The following JAG1 variants were observed in gnomAD, a reference collection of about 807,000 sequenced individuals.
JAG1 encodes jagged canonical Notch ligand 1, also known as protein jagged-1.
In JAG1, 23 loss-of-function variants were observed where a neutral mutation model predicts 148.7. That is an observed-to-expected ratio of 0.15 (90% CI 0.11 to 0.22). The LOEUF (loss-of-function observed/expected upper bound fraction) is 0.22, where lower values mean the gene tolerates loss of function less well. Ranked by LOEUF, JAG1 falls within the 10% of genes least tolerant of loss-of-function variation. The pLI is 1.00. For synonymous variants in JAG1, 572 were observed against 598.3 expected, an observed-to-expected ratio of 0.96 and a Z score of 0.64; for missense variants, 1,054 against 1,611.2, an observed-to-expected ratio of 0.65 and a Z score of 5.92.
In JAG1 at chr20:10,638,343, A is replaced by C. The variant is rs1017780179; in HGVS notation, c.*1155T>G. The C allele has an allele frequency of 1.3e-5, 2 of 152,658 alleles. No individual in the cohort carries two copies. The highest frequency in any genetic ancestry group is 4.8e-5 in the African/African-American group (2 of 41,460). 9.5% of individuals were successfully genotyped at this position (152,658 alleles called of 1,614,324 possible). A position where few individuals can be genotyped will look rare whatever the true frequency, so the allele number is the denominator to read the frequency against. On this transcript the variant is annotated 3_prime_UTR_variant, in exon 26 of 26. Coordinates refer to ENST00000254958, the MANE Select transcript of JAG1 (RefSeq NM_000214.3). ...GTTCAGTATTATGTACGAATGGTGAAAAGAAATCAGAATTTACAAAGTAAG... is the reference window on the plus strand; with the variant it reads ...GTTCAGTATTATGTACGAATGGTGACAAGAAATCAGAATTTACAAAGTAAG...
chr20:10,655,868 A>G (rs2079883805), intron 5 of JAG1, among the ~76,000 whole-genome samples: 1 of 152,188 alleles, frequency 6.6e-6, no homozygotes, highest in South Asian at 2.1e-4. Flanking sequence ...GACTGCAGCA[A>G]AAGTCTACAT....
intron 20 of JAG1, 101 bp from the exon 21 acceptor site, chr20:10,642,702 G>A: frequency 1.3e-6 from 1 of 774,494 alleles, no homozygotes; most frequent in Non-Finnish European, 2.3e-6. Flanking sequence ...ATCATCATAA[G>A]CTTGATGAAT....
intron 3 of JAG1, among the ~76,000 whole-genome samples, chr20:10,662,727 G>A (rs1431937976): frequency 6.6e-6 from 1 of 152,146 alleles, no homozygotes; most frequent in Non-Finnish European, 1.5e-5. Flanking sequence ...GGCTGACAGA[G>A]CTTCCCTGCC....
intron 7 of JAG1, 88 bp downstream of exon 7, chr20:10,652,043 T>C (rs374252320): frequency 1.4e-6 from 2 of 1,447,642 alleles, no homozygotes; most frequent in Non-Finnish European, 9.7e-7. Context: ...TCACTTTTTT[T>C]TCCTTAAACA....
At chr20:10,650,623 C>T in intron 8 of JAG1, 1 of 485,666 alleles carries the variant, frequency 2.1e-6, no homozygotes, top group Non-Finnish European at 3.8e-6. Flanking sequence ...GGAGCATCCG[C>T]CCAGGAGGAA....
intron 25 of JAG1, 78 bp from the exon 26 acceptor site, chr20:10,640,033 A>G: frequency 1.7e-6 from 2 of 1,158,208 alleles, no homozygotes; most frequent in Non-Finnish European, 2.5e-6. Context: ...AAAGAATACC[A>G]ACAGTGGTTC....
chr20:10,658,249 G>C (rs2122623098), intron 4 of JAG1, among the ~76,000 whole-genome samples: 1 of 152,268 alleles, frequency 6.6e-6, no homozygotes, highest in South Asian at 2.1e-4. Flanking sequence ...GCTGTTGGCA[G>C]CCAACACAGC....
chr20:10,665,858 G>A (rs2067450316), intron 2 of JAG1, among the ~76,000 whole-genome samples: 1 of 152,164 alleles, frequency 6.6e-6, no homozygotes, highest in Non-Finnish European at 1.5e-5. Flanking sequence ...TACTCAAAGA[G>A]GAAAGCATCC....
At chr20:10,663,902 G>GT in intron 3 of JAG1, 61 bp downstream of exon 3, 1 of 1,346,748 alleles carries the variant, frequency 7.4e-7, no homozygotes, top group Non-Finnish European at 1.1e-6. Flanking sequence ...GCTCCAACTG[G>GT]TTGGCCAAGC....
intron 18 of JAG1, 87 bp downstream of exon 18, chr20:10,644,776 C>G (rs568004988): frequency 3.0e-5 from 28 of 946,126 alleles, no homozygotes; most frequent in Non-Finnish European, 4.4e-5. Context: ...TCAAACAGCT[C>G]TGCTTCTGGT....
At chr20:10,670,352 A>G (rs140218748) in intron 2 of JAG1, among the ~76,000 whole-genome samples, 61 of 152,308 alleles carry the variant, frequency 4.0e-4, no homozygotes, top group African/African-American at 1.4e-3. Flanking sequence ...TGGGAGCCCA[A>G]GGTGGTTTGG....
rs777817633 is a variant in JAG1 at position 10,641,140 on chromosome 20, T to C, written c.3021A>G (p.Ser1007=). The change falls in exon 24 of 26, where the codon TCA becomes TCG. Residue 1007 remains serine (S), a synonymous_variant. Coordinates refer to ENST00000254958, the MANE Select transcript of JAG1 (RefSeq NM_000214.3). ...TGGCCACATGTATTTCATTGTTCGC[T>C]GAAGGGGAAGGCTCGCAAGCGATGT... ...SIYIACEPSP[S]ANNEIHVAIS... The C allele has an allele frequency of 6.2e-7, 1 of 1,614,100 alleles. No individual in the cohort carries two copies. The highest frequency in any genetic ancestry group is 8.5e-7 in the Non-Finnish European group (1 of 1,180,042).
intron 18 of JAG1, 119 bp from the exon 19 acceptor site, chr20:10,644,503 C>T (rs2122601753): frequency 3.7e-6 from 3 of 804,846 alleles, no homozygotes; most frequent in East Asian, 5.2e-5. Flanking sequence ...TTAACACCAG[C>T]AAAATACCTT....
In JAG1 at chr20:10,673,325, G is replaced by C. The variant is rs2067511625; in HGVS notation, c.81+125C>G. On this transcript the variant is annotated intron_variant, in intron 1 of 25. Transcript: ENST00000254958. This position sits in a 1 kb window ranked among gnomAD's most constrained non-coding sequence, Gnocchi z 4.7. ...GCGCTCAGCCCAGGTGCAGCCGCTC[G>C]GGCGCAGGGGCGAGGAGTCGGGCGC... is the stretch of plus-strand genomic sequence containing the variant. 5 of 765,420 alleles carry C rather than the reference G, an allele frequency of 6.5e-6. No individual in the cohort carries two copies. Among genetic ancestry groups the C allele is most frequent in the Non-Finnish European group, 1.0e-5 (5 of 483,420 alleles). The allele number at this position is 765,420 out of a possible 1,614,324, so 47.4% of individuals were successfully genotyped here.
rs570571144 is a variant in JAG1, at chr20:10,658,389, G to A, written c.694+79C>T. On this transcript the variant is annotated intron_variant, in intron 4 of 25. Transcript: ENST00000254958. ...CCCACCCCACCTGAGATAGCCGCAT[G>A]CCACCTGCCTGCTGGTGGGGTGATA... is the stretch of plus-strand genomic sequence containing the variant. 4 of 1,561,222 alleles carry A rather than the reference G, an allele frequency of 2.6e-6. No individual in the cohort carries two copies. The South Asian group carries it at 3.3e-5, about 13-fold the overall frequency.
intron 9 of JAG1, 74 bp downstream of exon 9, chr20:10,650,173 C>T (rs1173372850): frequency 7.7e-6 from 7 of 907,064 alleles, no homozygotes; most frequent in Non-Finnish European, 1.3e-5. Context: ...CGGCCACACG[C>T]TCGTCTTCTG....
At chr20:10,658,066 G>A (rs1164302527) in intron 4 of JAG1, among the ~76,000 whole-genome samples, 5 of 152,186 alleles carry the variant, frequency 3.3e-5, no homozygotes, top group African/African-American at 1.2e-4. Flanking sequence ...ACTGGAGTCT[G>A]ATTTCAGCCT....
chr20:10,672,785 G>C lies in JAG1; in HGVS notation c.303C>G (p.Val101=), dbSNP rs1212837838. 1 of 1,613,090 alleles carries C rather than the reference G, an allele frequency of 6.2e-7. No individual in the cohort carries two copies. Among genetic ancestry groups the C allele is most frequent in the African/African-American group, 1.3e-5 (1 of 75,050 alleles). The change falls in exon 2 of 26, where the codon GTC becomes GTG. Residue 101 remains valine (V), a synonymous_variant. Transcript: ENST00000254958. ...PCSFGSGSTP[V]IGGNTFNLKA... ...TGAGGTTGAAGGTGTTGCCCCCGATGACAGGCGTGGACCCTGAGCCGAAGC... is the reference window on the plus strand; with the variant it reads ...TGAGGTTGAAGGTGTTGCCCCCGATCACAGGCGTGGACCCTGAGCCGAAGC...
At chr20:10,659,955 C>G (rs969140314) in intron 3 of JAG1, among the ~76,000 whole-genome samples, 2 of 152,190 alleles carry the variant, frequency 1.3e-5, no homozygotes, top group African/African-American at 4.8e-5. Flanking sequence ...GGCACTAAAT[C>G]AGCACCCCAA....
Sources: allele counts gnomAD v4.1 joint callset (sites outside exome capture counted in the v4.1 genomes callset), GRCh38; gene constraint gnomAD v4.1.1; non-coding constraint Gnocchi (gnomAD v3.1); transcripts MANE v1.5; gene names NCBI Gene and HGNC (gene_info 2026-07-23, HGNC 2026-07-21).